ALPK1: variants seen among roughly 807,000 people sequenced by gnomAD.
ALPK1 encodes the protein alpha kinase 1, also known as alpha-protein kinase 1.
ALPK1 carries 110 observed loss-of-function variants against 120.6 expected under a neutral mutation model. The observed-to-expected ratio is 0.91, with a 90% CI of 0.78 to 1.07. The LOEUF is 1.07. Ranked by LOEUF, ALPK1 falls within the 50% of genes least tolerant of loss-of-function variation. The probability of loss-of-function intolerance (pLI) is 0.00; values close to 1 mark genes in which losing one functional copy is unlikely to be tolerated. For synonymous variants in ALPK1, 582 were observed against 560.3 expected (o/e 1.04, Z -0.55); for missense variants, 1,498 against 1,483.9 (o/e 1.01, Z -0.16).
intron 8 of ALPK1, among the ~76,000 whole-genome samples, chr4:112,427,077 C>T (rs6533619): frequency 0.55 from 83,382 of 151,538 alleles, 23,085 homozygotes; most frequent in East Asian, 0.71. Flanking sequence ...TTACTGTCTA[C>T]GATTCTTTTA....
chr4:112,438,431 T>C (rs1056225910), intron 12 of ALPK1, 53 bp from the exon 13 acceptor site: 48 of 1,573,770 alleles, frequency 3.0e-5, no homozygotes, highest in Middle Eastern at 3.4e-4. Context: ...TCTTACTCCA[T>C]AGTAAGTAAG....
At chr4:112,435,372 CAT>C in intron 12 of ALPK1, 71 bp downstream of exon 12, 1 of 1,441,812 alleles carries the variant, frequency 6.9e-7, no homozygotes. Context: ...AGTAATCACT[CAT>C]GAGACTTCGT....
intron 6 of ALPK1, among the ~76,000 whole-genome samples, chr4:112,424,794 C>G (rs567938389): frequency 6.6e-6 from 1 of 152,250 alleles, no homozygotes; most frequent in East Asian, 1.9e-4. Flanking sequence ...CGCACGCACA[C>G]AAGGATTCAA....
In ALPK1 at chr4:112,426,452, T is replaced by G; in HGVS notation, c.623-15T>G. The G allele has an allele frequency of 1.3e-6, 2 of 1,483,606 alleles. No individual in the cohort carries two copies. The highest frequency in any genetic ancestry group is 1.9e-6 in the Non-Finnish European group (2 of 1,078,236). 91.9% of individuals were successfully genotyped at this position (1,483,606 alleles called of 1,614,324 possible). A position where few individuals can be genotyped will look rare whatever the true frequency, so the allele number is the denominator to read the frequency against. On this transcript the variant is annotated splice_polypyrimidine_tract_variant and intron_variant, in intron 7 of 15. Coordinates refer to ENST00000650871, the MANE Select transcript of ALPK1 (RefSeq NM_025144.4). The stretch of plus-strand genomic sequence containing the variant: ...CCTCCCCTGTCCCTCTCCCCGCCCC[T>G]CTTTTTTTTTTCAGGGATGTGGTAC...
chr4:112,382,296 T>TC (rs1578520049), intron 3 of ALPK1, 102 bp from the exon 4 acceptor site: 1 of 868,686 alleles, frequency 1.2e-6, no homozygotes, highest in East Asian at 4.7e-5. Flanking sequence ...TCTCTTTTTT[T>TC]TTTTTTTTTT....
intron 4 of ALPK1, among the ~76,000 whole-genome samples, chr4:112,407,810 G>A (rs1272558753): frequency 2.0e-5 from 3 of 152,094 alleles, no homozygotes; most frequent in East Asian, 3.9e-4. Context: ...TGAGACACTA[G>A]TAAGAATGGA....
At chr4:112,359,727 GTAT>G (rs1730829947) in intron 2 of ALPK1, 1 of 301,344 alleles carries the variant, frequency 3.3e-6, no homozygotes, top group African/African-American at 2.3e-5. Context: ...CGGGCATGCA[GTAT>G]CTGAGTGGGG....
rs371697040 is a variant in ALPK1 at position 112,312,005 on chromosome 4, G to A, written c.-152-3796G>A. 1.6e-3 allele frequency among the ~76,000 whole-genome samples: 245 copies of A among 152,186 alleles called. 2 individuals carry two copies. The highest frequency in any genetic ancestry group is 5.6e-3 in the African/African-American group (231 of 41,524). ...TGTTTTTTTTCTAAATCATTTCTGA[G>A]TACACCTGGGCATCTCAATCTAGAG... On this transcript the variant is annotated intron_variant, in intron 1 of 15. Coordinates refer to ENST00000650871, the MANE Select transcript of ALPK1 (RefSeq NM_025144.4).
intron 2 of ALPK1, chr4:112,358,956 C>T: frequency 1.3e-6 from 1 of 768,594 alleles, no homozygotes; most frequent in South Asian, 1.3e-5. Context: ...CCAGTTTGTG[C>T]AGCCCCACCA....
At chr4:112,350,514 C>T (rs987429956) in intron 2 of ALPK1, among the ~76,000 whole-genome samples, 2 of 152,226 alleles carry the variant, frequency 1.3e-5, no homozygotes, top group Non-Finnish European at 2.9e-5. Flanking sequence ...CGTTGCCTCA[C>T]CCACTGTAGC....
At position 112,432,329 on chromosome 4, in the gene ALPK1, TC is replaced by T. The variant is rs749986399; in HGVS notation, c.2783del (p.Ser928Ter). The T allele has an allele frequency of 2.5e-6, 4 of 1,614,216 alleles. No individual in the cohort carries two copies. In the South Asian group the frequency reaches 4.4e-5, roughly 18 times the overall value. The stretch of plus-strand genomic sequence containing the variant: ...CTGCAGCCAGAACTCCAGCTCATCC[TC>T]AGTGTGGTGGCTGAAATCACCTGCA... ...LNCSQNSSSS[S>X]VWWLKSPAFS... is the part of the protein sequence containing the mutation. On this transcript the variant is annotated frameshift_variant, in exon 11 of 16. Coordinates refer to ENST00000650871, the MANE Select transcript of ALPK1 (RefSeq NM_025144.4). LOFTEE classifies it high-confidence loss of function.
At chr4:112,310,949 G>A (rs1728376099) in intron 1 of ALPK1, among the ~76,000 whole-genome samples, 1 of 151,434 alleles carries the variant, frequency 6.6e-6, no homozygotes, top group African/African-American at 2.5e-5. Flanking sequence ...AATCGAAAGG[G>A]ACTTTAAAGA....
At chr4:112,417,761 T>C (rs778374846) in intron 5 of ALPK1, among the ~76,000 whole-genome samples, 5 of 152,184 alleles carry the variant, frequency 3.3e-5, no homozygotes, top group African/African-American at 7.2e-5. Context: ...CCTGGGATTA[T>C]AGGCATGAGT....
At chr4:112,345,163 G>A (rs951534094) in intron 2 of ALPK1, among the ~76,000 whole-genome samples, 1 of 152,108 alleles carries the variant, frequency 6.6e-6, no homozygotes, top group Non-Finnish European at 1.5e-5. Flanking sequence ...GTTAATAGGG[G>A]GCGTGCTTCT....
chr4:112,299,755 A>G (rs895817139), intron 1 of ALPK1, among the ~76,000 whole-genome samples: 1 of 152,204 alleles, frequency 6.6e-6, no homozygotes, highest in African/African-American at 2.4e-5. Flanking sequence ...AACGTTTATC[A>G]CACCTGTAGC....
At chr4:112,434,747 C>T (rs1457964603) in intron 11 of ALPK1, among the ~76,000 whole-genome samples, 1 of 152,156 alleles carries the variant, frequency 6.6e-6, no homozygotes, top group African/African-American at 2.4e-5. Flanking sequence ...TCAGTAGTAG[C>T]TTCTGTTATT....
At chr4:112,389,076 G>T (rs1209361018) in intron 4 of ALPK1, among the ~76,000 whole-genome samples, 2 of 143,232 alleles carry the variant, frequency 1.4e-5, no homozygotes, top group Non-Finnish European at 1.5e-5. Flanking sequence ...ACAGCATCTC[G>T]CTCTGTTGTC....
At chr4:112,333,450 C>T (rs552012480) in intron 2 of ALPK1, among the ~76,000 whole-genome samples, 1 of 152,162 alleles carries the variant, frequency 6.6e-6, no homozygotes, top group Admixed American at 6.5e-5. Context: ...CCTCACAGAT[C>T]CATTCTAATA....
intron 3 of ALPK1, among the ~76,000 whole-genome samples, chr4:112,381,303 C>T (rs912086432): frequency 2.6e-5 from 4 of 152,182 alleles, no homozygotes; most frequent in East Asian, 1.9e-4. Flanking sequence ...ATTCGGGGAA[C>T]TTAGTAAATG....
Sources: gnomAD v4.1 joint callset for allele counts (sites outside exome capture counted in the v4.1 genomes callset) on GRCh38, gnomAD v4.1.1 for gene constraint, MANE v1.5 for transcripts, NCBI Gene and HGNC (gene_info 2026-07-23, HGNC 2026-07-21) for gene names.